RAP1GAP2: variants seen among roughly 807,000 people sequenced by gnomAD.
The protein encoded by RAP1GAP2 is RAP1 GTPase activating protein 2.
In RAP1GAP2, 27 loss-of-function variants were observed where a neutral mutation model predicts 95.0. That is an observed-to-expected ratio of 0.28 (90% CI 0.21 to 0.39). The LOEUF is 0.39. Among genes scored for constraint, RAP1GAP2 ranks in the 10% least tolerant of loss-of-function variants. RAP1GAP2 has a pLI of 1.00. For missense variants in RAP1GAP2, 771 were observed against 970.0 expected (o/e 0.79, Z 2.72); for synonymous variants, 373 against 380.9 (o/e 0.98, Z 0.24).
At position 2,790,189 on chromosome 17, in the gene RAP1GAP2, T is replaced by C. The variant is rs1248697828; in HGVS notation, c.-13-10326T>C. 5.3e-5 allele frequency among the ~76,000 whole-genome samples: 8 copies of C among 152,084 alleles called. No individual in the cohort carries two copies. The East Asian group carries it at 1.5e-3, about 29-fold the overall frequency. Reference sequence around the variant, plus strand: ...GTGCAGCGGCATGATCTCAGCTCACTGCAACCTCCACCTCCTGGGTTCAAG... The same window carrying C: ...GTGCAGCGGCATGATCTCAGCTCACCGCAACCTCCACCTCCTGGGTTCAAG... On this transcript the variant is annotated intron_variant, in intron 1 of 24. Coordinates refer to the RAP1GAP2 transcript ENST00000540393.
rs1474303791 is a variant in RAP1GAP2 at position 3,018,214 on chromosome 17, C to A, written c.1632+16C>A. The A allele has an allele frequency of 6.5e-7, 1 of 1,547,286 alleles. No homozygotes were observed. On this transcript the variant is annotated intron_variant, in intron 18 of 24. Transcript: ENST00000254695. The stretch of plus-strand genomic sequence containing the variant: ...CACCTTCTCGGTGAGTGCTGGCAGG[C>A]CCCGGGGCGGCAAGTGGGTCCCAGG...
At chr17:2,757,187 C>A (rs566353893) in intron 1 of RAP1GAP2, among the ~76,000 whole-genome samples, 1 of 152,126 alleles carries the variant, frequency 6.6e-6, no homozygotes, top group Non-Finnish European at 1.5e-5. Context: ...GGTGCAATCT[C>A]GGCTCACTGC....
At chr17:2,840,079 G>A (rs1466496255) in intron 2 of RAP1GAP2, among the ~76,000 whole-genome samples, 1 of 152,010 alleles carries the variant, frequency 6.6e-6, no homozygotes, top group African/African-American at 2.4e-5. Context: ...GATAACCACT[G>A]TTGATGTTGG....
At position 2,801,564 on chromosome 17, in the gene RAP1GAP2, C is replaced by T. The variant is rs533165697; in HGVS notation, c.80+1014C>T. ...CTGGCAGTGACTTTCTGACATTCCC[C>T]GCCTACTAGGACCTGACTAAACACT... On this transcript the variant is annotated intron_variant, in intron 2 of 24. Coordinates refer to ENST00000254695, the MANE Select transcript of RAP1GAP2 (RefSeq NM_015085.5). Among the ~76,000 whole-genome samples the T allele has an allele frequency of 1.3e-4, 20 of 151,256 alleles. No individual in the cohort carries two copies. The South Asian group carries it at 2.9e-3, about 22-fold the overall frequency.
At chr17:2,792,542 C>G (rs1462107319), upstream of RAP1GAP2, among the ~76,000 whole-genome samples, 3 of 152,192 alleles carry the variant, frequency 2.0e-5, no homozygotes, top group Non-Finnish European at 4.4e-5. Flanking sequence ...GGCCATGAGC[C>G]GTCTGGGAGA....
chr17:2,974,608 T>G (rs1457940431), intron 8 of RAP1GAP2, among the ~76,000 whole-genome samples: 1 of 149,698 alleles, frequency 6.7e-6, no homozygotes, highest in Non-Finnish European at 1.5e-5. Context: ...TTTTTTTTTT[T>G]GCATGTTTAA....
rs1033660531 is a variant in RAP1GAP2 at position 3,005,228 on chromosome 17, C to T, written c.1201-141C>T. 8.8e-5 allele frequency: 75 copies of T among 854,916 alleles called. No homozygotes were observed. Among genetic ancestry groups the T allele is most frequent in the Admixed American group, 7.6e-4 (43 of 56,766 alleles). 53.0% of individuals were successfully genotyped at this position (854,916 alleles called of 1,614,324 possible). ...GGAACAGGGTCAGGGCCTGTGCTGGCGATGCTCACAGGAGTATTTTGTTTG... is the reference window on the plus strand; with the variant it reads ...GGAACAGGGTCAGGGCCTGTGCTGGTGATGCTCACAGGAGTATTTTGTTTG... On this transcript the variant is annotated intron_variant, in intron 14 of 24. Transcript: ENST00000254695. This position sits in a 1 kb window ranked among gnomAD's most constrained non-coding sequence, Gnocchi z 5.2.
At chr17:2,763,824 G>A (rs112673887) in intron 1 of RAP1GAP2, among the ~76,000 whole-genome samples, 3 of 152,108 alleles carry the variant, frequency 2.0e-5, no homozygotes, top group Non-Finnish European at 4.4e-5. Flanking sequence ...GCAGGTGGCC[G>A]GGGCTGTATT....
chr17:2,938,181 G>A (rs748380729), intron 3 of RAP1GAP2, among the ~76,000 whole-genome samples: 14 of 152,166 alleles, frequency 9.2e-5, no homozygotes, highest in Non-Finnish European at 1.9e-4. Context: ...ACTTTGCAGA[G>A]TGGCTTATAT....
intron 1 of RAP1GAP2, among the ~76,000 whole-genome samples, chr17:2,760,929 T>G (rs1304931380): frequency 1.3e-5 from 2 of 150,016 alleles, no homozygotes; most frequent in African/African-American, 5.0e-5. Flanking sequence ...ATCACAGGGA[T>G]GGGTGCCATT....
In RAP1GAP2 at chr17:2,879,423, C is replaced by T. The variant is rs190111114; in HGVS notation, c.81-25861C>T. Among the ~76,000 whole-genome samples the T allele has an allele frequency of 1.1e-4, 16 of 152,154 alleles. 1 individual carries two copies. The East Asian group carries it at 2.7e-3, about 26-fold the overall frequency. Reference sequence around the variant, plus strand: ...GAGCCACTGCGCCCGGCCACAAAGCCCTTCTTACATTGAAAGTCCCTTGGC... The same window carrying T: ...GAGCCACTGCGCCCGGCCACAAAGCTCTTCTTACATTGAAAGTCCCTTGGC... On this transcript the variant is annotated intron_variant, in intron 2 of 24. Coordinates refer to ENST00000254695, the MANE Select transcript of RAP1GAP2 (RefSeq NM_015085.5).
chr17:2,963,549 GC>G lies in RAP1GAP2; in HGVS notation c.279+93del. ...AAATGATGGCGATGGCCTGTGCCCA[GC>G]CCCCCAGGGGAGAGAACCTTGGGCC... is the stretch of plus-strand genomic sequence containing the variant. On this transcript the variant is annotated intron_variant, in intron 6 of 24. Coordinates refer to ENST00000254695, the MANE Select transcript of RAP1GAP2 (RefSeq NM_015085.5). This position sits in a 1 kb window ranked among gnomAD's most constrained non-coding sequence, Gnocchi z 4.8. 2 of 1,553,998 alleles carry G rather than the reference GC, an allele frequency of 1.3e-6. No individual in the cohort carries two copies. Among genetic ancestry groups the G allele is most frequent in the Non-Finnish European group, 1.8e-6 (2 of 1,126,510 alleles).
intron 1 of RAP1GAP2, among the ~76,000 whole-genome samples, chr17:2,765,007 C>T (rs1194095586): frequency 1.3e-5 from 2 of 152,068 alleles, no homozygotes; most frequent in East Asian, 3.9e-4. Flanking sequence ...TGGGATTAAT[C>T]AGGGTGGGCT....
rs781454135 is a variant in RAP1GAP2, at chr17:3,020,559, C to T, written c.1715C>T (p.Thr572Met). The T allele has an allele frequency of 1.2e-4, 187 of 1,613,932 alleles. No individual in the cohort carries two copies. The highest frequency in any genetic ancestry group is 1.6e-4 in the East Asian group (7 of 44,876). The change falls in exon 19 of 25, where the codon ACG (threonine) becomes ATG (methionine). Residue 572 changes from threonine to methionine, a missense_variant. Transcript: ENST00000254695. ...TCGGGGCTCTTCCCCCGCCTGCACA[C>T]GGGCTCAGAAGGCCAGGGCGACAGC... ...RRSGLFPRLH[T>M]GSEGQGDSRA... is the part of the protein sequence containing the mutation.
chr17:2,970,206 G>A (rs937195015), intron 8 of RAP1GAP2, among the ~76,000 whole-genome samples: 2 of 148,190 alleles, frequency 1.3e-5, no homozygotes, highest in East Asian at 2.0e-4. Flanking sequence ...CCCGGGATGC[G>A]CAGGTTGCAG....
intron 2 of RAP1GAP2, among the ~76,000 whole-genome samples, chr17:2,882,117 G>A (rs6502604): frequency 0.23 from 32,811 of 143,158 alleles, 3,958 homozygotes; most frequent in African/African-American, 0.27. Context: ...ACTGTGCCTG[G>A]CCTTTTTTTT....
chr17:2,829,696 G>T (rs1325185055), intron 2 of RAP1GAP2, among the ~76,000 whole-genome samples: 1 of 152,156 alleles, frequency 6.6e-6, no homozygotes, highest in Non-Finnish European at 1.5e-5. Context: ...GACTAAGCTG[G>T]CCAGAGCCTG....
At chr17:2,766,036 ATCT>A (rs1168451404) in intron 1 of RAP1GAP2, among the ~76,000 whole-genome samples, 7 of 152,168 alleles carry the variant, frequency 4.6e-5, no homozygotes, top group Non-Finnish European at 8.8e-5. Flanking sequence ...AGCCAGGATG[ATCT>A]TCTCAACACA....
chr17:3,021,430 C>CTTT (rs57099220), intron 19 of RAP1GAP2, among the ~76,000 whole-genome samples: 1 of 95,744 alleles, frequency 1.0e-5, no homozygotes, highest in Non-Finnish European at 2.0e-5. Flanking sequence ...CGATATTTGT[C>CTTT]TTTTTTTTTT....
Sources: allele counts gnomAD v4.1 joint callset (sites outside exome capture counted in the v4.1 genomes callset), GRCh38; gene constraint gnomAD v4.1.1; non-coding constraint Gnocchi (gnomAD v3.1); transcripts MANE v1.5; gene names NCBI Gene and HGNC (gene_info 2026-07-23, HGNC 2026-07-21).